Variants in VWA2 observed in about 807,000 individuals in gnomAD.
VWA2 encodes the protein von Willebrand factor A domain-containing protein 2.
A neutral mutation model predicts 70.4 loss-of-function variants in VWA2; 73 were observed. That is an observed-to-expected ratio of 1.04 (90% CI 0.86 to 1.26). VWA2 has a LOEUF of 1.26. Among genes scored for constraint, VWA2 ranks in the 50% most tolerant of loss-of-function variants. The probability of loss-of-function intolerance (pLI) is 0.00; values close to 1 mark genes in which losing one functional copy is unlikely to be tolerated. For missense variants in VWA2, 1,011 were observed against 998.5 expected (o/e 1.01, Z -0.17); for synonymous variants, 407 against 423.3 (o/e 0.96, Z 0.47).
rs762332079 is a variant in VWA2, at chr10:114,261,296, G to A, written c.371+1G>A. On this transcript the variant is annotated splice_donor_variant, in intron 5 of 13. Transcript: ENST00000392982. LOFTEE classifies it high-confidence loss of function. Reference sequence around the variant, plus strand: ...CAAGAATCAAGAGGATGGTTTTCAAGTATGTATGATCAGATACTGCTGTGG... The same window carrying A: ...CAAGAATCAAGAGGATGGTTTTCAAATATGTATGATCAGATACTGCTGTGG... The A allele has an allele frequency of 1.9e-6, 3 of 1,612,768 alleles. No homozygotes were observed. The highest frequency in any genetic ancestry group is 2.5e-6 in the Non-Finnish European group (3 of 1,178,762).
Position 114,248,717 on chromosome 10 carries a change from C to T in VWA2, c.4C>T (p.Pro2Ser). 6.2e-7 allele frequency: 1 copy of T among 1,613,306 alleles called. No homozygotes were observed. Among genetic ancestry groups the T allele is most frequent in the Non-Finnish European group, 8.5e-7 (1 of 1,179,348 alleles). The change falls in exon 2 of 14, where the codon CCC becomes TCC. Residue 2 changes from proline to serine, a missense_variant. Transcript: ENST00000392982. M[P>S]PFLLLEAVCV... ...GTGTCCCTGTAGTTATATCAACATGCCCCCTTTCCTGTTGCTGGAAGCCGT... is the reference window on the plus strand; with the variant it reads ...GTGTCCCTGTAGTTATATCAACATGTCCCCTTTCCTGTTGCTGGAAGCCGT...
chr10:114,253,459 C>A (rs1375307529), intron 2 of VWA2, among the ~76,000 whole-genome samples, 192 bp from the exon 3 acceptor site: 4 of 147,048 alleles, frequency 2.7e-5, no homozygotes, highest in African/African-American at 7.6e-5. Flanking sequence ...ACAAAGATAC[C>A]TCATAGAAGT....
intron 2 of VWA2, among the ~76,000 whole-genome samples, chr10:114,252,261 A>T (rs906525733): frequency 2.0e-5 from 3 of 152,118 alleles, no homozygotes; most frequent in Non-Finnish European, 4.4e-5. Flanking sequence ...ACTGTGCCAG[A>T]CCTAATGAGA....
Position 114,286,530 on chromosome 10 carries a change from AC to A in VWA2, c.1570+22del, listed in dbSNP as rs1432833991. 6.6e-7 allele frequency: 1 copy of A among 1,526,018 alleles called. No individual in the cohort carries two copies. The allele number at this position is 1,526,018 out of a possible 1,614,324, so 94.5% of individuals were successfully genotyped here. ...CGGCCAGGTAAGGTCCCAGTGCCTG[AC>A]CCAGGACCGCTGGTCAGTGGGCGGG... On this transcript the variant is annotated intron_variant, in intron 11 of 13. Transcript: ENST00000392982.
rs570510812 is a variant in VWA2 at position 114,246,505 on chromosome 10, C to CAAAAAAAAAAAAAAAA, written c.-10-2194_-10-2179dup. 6.3e-4 allele frequency: 241 copies of CAAAAAAAAAAAAAAAA among 384,896 alleles called. 3 individuals carry two copies. Among genetic ancestry groups the CAAAAAAAAAAAAAAAA allele is most frequent in the African/African-American group, 1.8e-3 (38 of 21,634 alleles). 23.8% of individuals were successfully genotyped at this position (384,896 alleles called of 1,614,324 possible). The stretch of plus-strand genomic sequence containing the variant: ...AACAAGAGTGAAAGAAACTCCATCT[C>CAAAAAAAAAAAAAAAA]AAAAAAAAAAAAAAAAAAAACGAGT... On this transcript the variant is annotated intron_variant, in intron 1 of 13. Coordinates refer to ENST00000392982, the MANE Select transcript of VWA2 (RefSeq NM_001272046.2).
At chr10:114,262,883 C>T (rs2037475765) in intron 5 of VWA2, among the ~76,000 whole-genome samples, 1 of 152,116 alleles carries the variant, frequency 6.6e-6, no homozygotes, top group African/African-American at 2.4e-5. Context: ...AGCCTTGTGC[C>T]CTTGGGGCCT....
chr10:114,286,389 T>G lies in VWA2; in HGVS notation c.1448T>G (p.Val483Gly). 1 of 1,613,914 alleles carries G rather than the reference T, an allele frequency of 6.2e-7. No individual in the cohort carries two copies. The highest frequency in any genetic ancestry group is 8.5e-7 in the Non-Finnish European group (1 of 1,180,034). ...LLLLGVGSEA[V>G]RAELEEITGS... ...CTGCTGGGTGTAGGCAGTGAGGCCG[T>G]GCGGGCAGAGCTGGAGGAGATCACA... The change falls in exon 11 of 14, where the codon GTG (valine) becomes GGG (glycine). Residue 483 changes from valine to glycine, a missense_variant. Physicochemically the swap from Val to Gly is moderately radical, Grantham distance 109. Coordinates refer to ENST00000392982, the MANE Select transcript of VWA2 (RefSeq NM_001272046.2).
At chr10:114,244,769 C>T (rs1448074579) in intron 1 of VWA2, among the ~76,000 whole-genome samples, 1 of 152,258 alleles carries the variant, frequency 6.6e-6, no homozygotes. Flanking sequence ...AATACTTCAA[C>T]ATCATCGCAA....
chr10:114,282,054 G>A (rs1461595306), intron 8 of VWA2, among the ~76,000 whole-genome samples: 1 of 119,236 alleles, frequency 8.4e-6, no homozygotes. Flanking sequence ...CTGTTACCCA[G>A]GCTGGAGTGC....
At chr10:114,244,319 C>G (rs1326717647) in intron 1 of VWA2, among the ~76,000 whole-genome samples, 1 of 152,232 alleles carries the variant, frequency 6.6e-6, no homozygotes, top group Non-Finnish European at 1.5e-5. Flanking sequence ...AGTGTCACCT[C>G]TTACCGGCAG....
At position 114,253,644 on chromosome 10, in the gene VWA2, C is replaced by T. The variant is rs570065470; in HGVS notation, c.53-7C>T. 2 of 1,611,726 alleles carry T rather than the reference C, an allele frequency of 1.2e-6. No individual in the cohort carries two copies. Among genetic ancestry groups the T allele is most frequent in the South Asian group, 1.1e-5 (1 of 90,938 alleles). ...TTAATGGCTGCTTCTGGTGTTTTCTCTCCTAGTGCCCCCATCTCTCCCTCT... is the reference window on the plus strand; with the variant it reads ...TTAATGGCTGCTTCTGGTGTTTTCTTTCCTAGTGCCCCCATCTCTCCCTCT... On this transcript the variant is annotated splice_region_variant and splice_polypyrimidine_tract_variant and intron_variant, in intron 2 of 13. Transcript: ENST00000392982.
intron 1 of VWA2, among the ~76,000 whole-genome samples, chr10:114,245,053 A>G (rs2037041199): frequency 6.6e-6 from 1 of 152,192 alleles, no homozygotes; most frequent in Admixed American, 6.5e-5. Flanking sequence ...GTGTGACAGT[A>G]GGGATTGTAT....
At position 114,284,012 on chromosome 10, in the gene VWA2, A is replaced by T. The variant is rs189136913; in HGVS notation, c.890-851A>T. On this transcript the variant is annotated intron_variant, in intron 9 of 13. Coordinates refer to ENST00000392982, the MANE Select transcript of VWA2 (RefSeq NM_001272046.2). ...TCCAGCTCTTGGAATACATGATCACATGAAGACCTTGTTTGTTTTCTGTAA... is the reference window on the plus strand; with the variant it reads ...TCCAGCTCTTGGAATACATGATCACTTGAAGACCTTGTTTGTTTTCTGTAA... Among the ~76,000 whole-genome samples the T allele has an allele frequency of 6.2e-3, 947 of 152,384 alleles. 4 individuals are homozygous for T. Among genetic ancestry groups the T allele is most frequent in the Admixed American group, 0.011 (171 of 15,308 alleles).
At chr10:114,257,199 A>C (rs1437212728) in intron 4 of VWA2, among the ~76,000 whole-genome samples, 1 of 152,128 alleles carries the variant, frequency 6.6e-6, no homozygotes, top group Non-Finnish European at 1.5e-5. Context: ...TAATCTAGGC[A>C]CAAGCAGCCC....
intron 1 of VWA2, among the ~76,000 whole-genome samples, chr10:114,242,727 A>G (rs1404174216): frequency 6.6e-6 from 1 of 152,238 alleles, no homozygotes; most frequent in Admixed American, 6.5e-5. Flanking sequence ...GTCTTCTCCA[A>G]GATCATTTCT....
chr10:114,283,759 T>G (rs966119082), intron 9 of VWA2, among the ~76,000 whole-genome samples: 5 of 152,252 alleles, frequency 3.3e-5, no homozygotes, highest in African/African-American at 1.2e-4. Flanking sequence ...GATGCTCAGT[T>G]AAAGGCCACT....
At chr10:114,245,429 A>G (rs985087329) in intron 1 of VWA2, among the ~76,000 whole-genome samples, 1 of 152,112 alleles carries the variant, frequency 6.6e-6, no homozygotes, top group Admixed American at 6.5e-5. Flanking sequence ...AACAGGCCTG[A>G]GCCTCAGTCT....
At position 114,246,267 on chromosome 10, in the gene VWA2, G is replaced by A. The variant is rs370318698; in HGVS notation, c.-10-2437G>A. 5.6e-4 allele frequency: 397 copies of A among 707,486 alleles called. 2 individuals carry two copies. In the African/African-American group the frequency reaches 5.9e-3, roughly 10 times the overall value. 43.8% of individuals were successfully genotyped at this position (707,486 alleles called of 1,614,324 possible). A position where few individuals can be genotyped will look rare whatever the true frequency, so the allele number is the denominator to read the frequency against. Reference sequence around the variant, plus strand: ...TGTAATCCCAGCACTTCGGGAGGCCGAGGCGGTCGTATCACCTGAGGTCAG... The same window carrying A: ...TGTAATCCCAGCACTTCGGGAGGCCAAGGCGGTCGTATCACCTGAGGTCAG... On this transcript the variant is annotated intron_variant, in intron 1 of 13. Coordinates refer to ENST00000392982, the MANE Select transcript of VWA2 (RefSeq NM_001272046.2).
chr10:114,246,505 CAAA>C (rs570510812), intron 1 of VWA2: 20,611 of 379,742 alleles, frequency 0.054, 138 homozygotes, highest in Non-Finnish European at 0.069. Flanking sequence ...AACTCCATCT[CAAA>C]AAAAAAAAAA....
Sources: gnomAD v4.1 joint callset for allele counts (sites outside exome capture counted in the v4.1 genomes callset) on GRCh38, gnomAD v4.1.1 for gene constraint, MANE v1.5 for transcripts, NCBI Gene and HGNC (gene_info 2026-07-23, HGNC 2026-07-21) for gene names.